RSPO2: variants seen among roughly 807,000 people sequenced by gnomAD.
RSPO2 encodes the protein R-spondin 2.
A neutral mutation model predicts 30.9 loss-of-function variants in RSPO2; 14 were observed. The ratio of observed to expected loss-of-function variants is 0.45; its 90% CI spans 0.30 to 0.71. The LOEUF (loss-of-function observed/expected upper bound fraction) is 0.71. RSPO2 is among the 30% of genes least tolerant of loss of function. The pLI, the probability that RSPO2 is intolerant of heterozygous loss-of-function variation, is 0.08. For synonymous variants in RSPO2, 107 were observed against 96.4 expected (o/e 1.11, Z -0.64); for missense variants, 264 against 301.9 (o/e 0.87, Z 0.93).
intron 5 of RSPO2, among the ~76,000 whole-genome samples, chr8:107,944,199 GATTGT>G (rs1319835202): frequency 6.6e-6 from 1 of 152,090 alleles, no homozygotes; most frequent in East Asian, 1.9e-4. Flanking sequence ...TGACTAATAG[GATTGT>G]ATCACCAAAA....
intron 2 of RSPO2, among the ~76,000 whole-genome samples, chr8:108,059,753 C>G (rs1299733936): frequency 6.8e-6 from 1 of 147,996 alleles, no homozygotes; most frequent in Non-Finnish European, 1.5e-5. Context: ...ATCACAAGAA[C>G]AAAAAACCAA....
At chr8:107,989,344 T>C (rs568868008) in intron 2 of RSPO2, 100 bp from the exon 3 acceptor site, 16 of 734,370 alleles carry the variant, frequency 2.2e-5, no homozygotes, top group African/African-American at 1.8e-4. Context: ...CTTTCTGCTA[T>C]ACTCACATAG....
intron 5 of RSPO2, among the ~76,000 whole-genome samples, chr8:107,940,357 G>A (rs1812860150): frequency 6.6e-6 from 1 of 152,056 alleles, no homozygotes; most frequent in Admixed American, 6.6e-5. Context: ...TTTCTACAAA[G>A]TTCTAATCCT....
At chr8:107,941,953 G>A (rs1812910544) in intron 5 of RSPO2, among the ~76,000 whole-genome samples, 1 of 152,130 alleles carries the variant, frequency 6.6e-6, no homozygotes, top group African/African-American at 2.4e-5. Context: ...CCACAGAACT[G>A]CCACCAATTA....
intron 3 of RSPO2, among the ~76,000 whole-genome samples, chr8:107,977,855 G>A (rs1814272176): frequency 6.6e-6 from 1 of 151,900 alleles, no homozygotes; most frequent in African/African-American, 2.4e-5. Context: ...GGTAACATCT[G>A]TACCTGTGAT....
At chr8:107,976,128 G>C (rs1424086305) in intron 3 of RSPO2, among the ~76,000 whole-genome samples, 1 of 152,206 alleles carries the variant, frequency 6.6e-6, no homozygotes, top group Non-Finnish European at 1.5e-5. Flanking sequence ...CAGCACAAAA[G>C]AATGCTGAAA....
Position 107,937,168 on chromosome 8 carries a change from T to TA in RSPO2, c.616+20911_616+20912insT, listed in dbSNP as rs1032197044. ...CATCTTCAGTTGTTTTTTTTTTTTT[T>TA]TATATGGGGAGAGACAAGGTCCAGT... is the stretch of plus-strand genomic sequence containing the variant. On this transcript the variant is annotated intron_variant, in intron 5 of 5. Coordinates refer to ENST00000276659, the MANE Select transcript of RSPO2 (RefSeq NM_178565.5). Among the ~76,000 whole-genome samples, 7 of 151,584 alleles carry TA rather than the reference T, an allele frequency of 4.6e-5. No homozygotes were observed. The East Asian group carries it at 7.7e-4, about 17-fold the overall frequency.
At chr8:108,048,261 T>C (rs1457589639) in intron 2 of RSPO2, among the ~76,000 whole-genome samples, 1 of 151,930 alleles carries the variant, frequency 6.6e-6, no homozygotes, top group African/African-American at 2.4e-5. Context: ...CATGGGGGAC[T>C]TTTAAGAAAG....
At chr8:108,056,827 G>A (rs191351646) in intron 2 of RSPO2, among the ~76,000 whole-genome samples, 1 of 150,638 alleles carries the variant, frequency 6.6e-6, no homozygotes, top group East Asian at 2.0e-4. Flanking sequence ...AGGCCAAGGG[G>A]GGTGGATCAC....
At chr8:107,913,703 C>T (rs914081110) in intron 5 of RSPO2, among the ~76,000 whole-genome samples, 4 of 151,946 alleles carry the variant, frequency 2.6e-5, no homozygotes, top group East Asian at 1.9e-4. Flanking sequence ...TATTAAAACA[C>T]GAGAACATAG....
intron 2 of RSPO2, among the ~76,000 whole-genome samples, chr8:108,013,396 T>C (rs967033122): frequency 2.0e-5 from 3 of 152,240 alleles, no homozygotes; most frequent in African/African-American, 7.2e-5. Context: ...ATGGGGCTTC[T>C]ACCATTCAGT....
intron 2 of RSPO2, chr8:107,996,940 A>G (rs1300451146): frequency 2.2e-6 from 1 of 455,186 alleles, no homozygotes; most frequent in Non-Finnish European, 4.4e-6. Flanking sequence ...TTATCTTTAT[A>G]ACCCTACACA....
At chr8:107,971,053 G>A (rs1051480026) in intron 3 of RSPO2, among the ~76,000 whole-genome samples, 1 of 152,188 alleles carries the variant, frequency 6.6e-6, no homozygotes, top group African/African-American at 2.4e-5. Context: ...TCCAGATGCG[G>A]TTAAGAAGAT....
At chr8:107,973,014 T>C (rs1315958439) in intron 3 of RSPO2, among the ~76,000 whole-genome samples, 1 of 152,228 alleles carries the variant, frequency 6.6e-6, no homozygotes, top group African/African-American at 2.4e-5. Flanking sequence ...CTCACGCCTG[T>C]AATCCCAGCA....
intron 2 of RSPO2, among the ~76,000 whole-genome samples, chr8:108,057,086 A>AAAAAAAAAAG (rs1812277810): frequency 7.5e-6 from 1 of 132,788 alleles, no homozygotes; most frequent in Non-Finnish European, 1.6e-5. Flanking sequence ...AAAAAAAAAA[A>AAAAAAAAAAG]AAAAAAGACG....
At chr8:107,934,440 T>A (rs1263604455) in intron 5 of RSPO2, among the ~76,000 whole-genome samples, 2 of 151,734 alleles carry the variant, frequency 1.3e-5, no homozygotes, top group East Asian at 3.9e-4. Flanking sequence ...TGGCATGATC[T>A]CGGCTCACTG....
intron 2 of RSPO2, chr8:108,073,039 T>C (rs971917944): frequency 6.6e-6 from 1 of 152,236 alleles, no homozygotes; most frequent in Non-Finnish European, 1.5e-5. Flanking sequence ...GCATGTTAAT[T>C]AAATCTGTAG....
intron 2 of RSPO2, among the ~76,000 whole-genome samples, chr8:108,030,142 A>AAAT (rs1811374940): frequency 6.6e-6 from 1 of 150,712 alleles, no homozygotes; most frequent in African/African-American, 2.5e-5. Context: ...AAAAAAAAAA[A>AAAT]AGCTAGGCAT....
rs1586688224 is a variant in RSPO2, at chr8:108,082,691, T to G, written c.-53A>C. The G allele has an allele frequency of 2.6e-6, 4 of 1,516,740 alleles. No homozygotes were observed. Among genetic ancestry groups the G allele is most frequent in the Non-Finnish European group, 3.6e-6 (4 of 1,096,692 alleles). 94.0% of individuals were successfully genotyped at this position (1,516,740 alleles called of 1,614,324 possible). On this transcript the variant is annotated 5_prime_UTR_variant, in exon 2 of 6. Coordinates refer to ENST00000276659, the MANE Select transcript of RSPO2 (RefSeq NM_178565.5). ...CTCTCAAAGTCTAGGAACTGGAGGG[T>G]TCGCCCAAAGAGCCGGCGCCGGCCG...
Sources: allele counts gnomAD v4.1 joint callset (sites outside exome capture counted in the v4.1 genomes callset), GRCh38; gene constraint gnomAD v4.1.1; transcripts MANE v1.5; gene names NCBI Gene and HGNC (gene_info 2026-07-23, HGNC 2026-07-21).